DPEP1: variants seen among roughly 807,000 people sequenced by gnomAD.
The protein encoded by DPEP1 is beta-lactamase.
DPEP1 carries 50 observed loss-of-function variants against 42.3 expected under a neutral mutation model. That is an observed-to-expected ratio of 1.18 (90% CI 0.94 to 1.50). The LOEUF is 1.50. DPEP1 is among the 40% of genes most tolerant of loss of function. DPEP1 has a pLI of 0.00. For synonymous variants in DPEP1, 297 were observed against 234.0 expected (o/e 1.27, Z -2.46); for missense variants, 663 against 553.0 (o/e 1.20, Z -1.99).
At chr16:89,614,622 G>A (rs539744299) in intron 1 of DPEP1, among the ~76,000 whole-genome samples, 9 of 152,048 alleles carry the variant, frequency 5.9e-5, no homozygotes, top group South Asian at 2.1e-4. Flanking sequence ...GTGAAACCCC[G>A]TCTCTAATAA....
intron 2 of DPEP1, 44 bp downstream of exon 2, chr16:89,630,558 G>C (rs1016921631): frequency 8.5e-7 from 1 of 1,177,368 alleles, no homozygotes; most frequent in Non-Finnish European, 1.2e-6. Context: ...CCAGGACTGG[G>C]AACTGGGGCT....
At chr16:89,637,066 C>T (rs1449086455) in intron 6 of DPEP1, 131 bp downstream of exon 6, 6 of 1,526,216 alleles carry the variant, frequency 3.9e-6, no homozygotes, top group East Asian at 2.3e-5. Context: ...CAGCCATCCC[C>T]CCAGGGTGGG....
At chr16:89,620,760 A>C (rs1280693197) in intron 1 of DPEP1, 1 of 151,576 alleles carries the variant, frequency 6.6e-6, no homozygotes, top group Non-Finnish European at 1.5e-5. Flanking sequence ...GGTACTCGGG[A>C]CCCTGTCCCG....
chr16:89,616,752 A>G, intron 1 of DPEP1: 1 of 279,236 alleles, frequency 3.6e-6, no homozygotes, highest in Non-Finnish European at 7.1e-6. Flanking sequence ...GGAAGCAGGC[A>G]GAGAGCGACC....
intron 1 of DPEP1, among the ~76,000 whole-genome samples, chr16:89,622,210 C>T (rs75589506): frequency 6.6e-6 from 1 of 152,306 alleles, no homozygotes; most frequent in East Asian, 1.9e-4. Flanking sequence ...TAAACATTAA[C>T]TTTCGGGGCC....
chr16:89,624,227 C>A (rs944757338), intron 1 of DPEP1, among the ~76,000 whole-genome samples: 1 of 152,036 alleles, frequency 6.6e-6, no homozygotes, highest in Non-Finnish European at 1.5e-5. Flanking sequence ...GCTGGGTCAT[C>A]TATAGAGAAA....
rs1567986947 is a variant in DPEP1, at chr16:89,630,375, G to GTCT, written c.-36_-35insTCT. The GTCT allele has an allele frequency of 1.3e-6, 2 of 1,567,430 alleles. No individual in the cohort carries two copies. The highest frequency in any genetic ancestry group is 1.7e-6 in the Non-Finnish European group (2 of 1,142,932). On this transcript the variant is annotated 5_prime_UTR_variant, in exon 2 of 11. Coordinates refer to ENST00000690203, the MANE Select transcript of DPEP1 (RefSeq NM_001389466.1). ...CAGCCAGGCCAGCACAGAGGCACCA[G>GTCT]GGCAGCAGTGCACACAGGTCCCCGG...
intron 1 of DPEP1, among the ~76,000 whole-genome samples, chr16:89,618,248 G>C (rs938012674): frequency 6.6e-6 from 1 of 152,086 alleles, no homozygotes; most frequent in African/African-American, 2.4e-5. Context: ...ACAAGGTCTT[G>C]CTCTGTCACC....
chr16:89,624,331 G>A (rs2059480836), intron 1 of DPEP1, among the ~76,000 whole-genome samples: 3 of 152,108 alleles, frequency 2.0e-5, no homozygotes, highest in African/African-American at 2.4e-5. Flanking sequence ...CTCTCATCAC[G>A]GCAGAAGGGG....
intron 1 of DPEP1, among the ~76,000 whole-genome samples, chr16:89,625,535 G>C (rs2059499912): frequency 6.6e-6 from 1 of 152,210 alleles, no homozygotes; most frequent in African/African-American, 2.4e-5. Context: ...AAGACCTTCA[G>C]TGCAGGCATT....
chr16:89,622,320 G>T (rs2059455074), intron 1 of DPEP1, among the ~76,000 whole-genome samples: 1 of 152,172 alleles, frequency 6.6e-6, no homozygotes, highest in Non-Finnish European at 1.5e-5. Context: ...GTCAGTCGGG[G>T]ACATGAAAGA....
intron 1 of DPEP1, among the ~76,000 whole-genome samples, chr16:89,623,464 C>T (rs191797687): frequency 1.8e-3 from 279 of 152,258 alleles, no homozygotes; most frequent in African/African-American, 6.3e-3. Context: ...AGATTGCCCG[C>T]TGCCAAGGGA....
chr16:89,631,429 C>T (rs932996237), intron 2 of DPEP1, among the ~76,000 whole-genome samples: 6 of 152,188 alleles, frequency 3.9e-5, no homozygotes, highest in Non-Finnish European at 7.3e-5. Flanking sequence ...ACTGGCTCCG[C>T]GTTGGGGTGG....
rs111984160 is a variant in DPEP1 at position 89,630,068 on chromosome 16, T to G, written c.-106-237T>G. Among the ~76,000 whole-genome samples the G allele has an allele frequency of 3.9e-3, 595 of 152,294 alleles. 4 individuals are homozygous for G. The highest frequency in any genetic ancestry group is 0.014 in the Middle Eastern group (4 of 294). On this transcript the variant is annotated intron_variant, in intron 1 of 10. Transcript: ENST00000690203. ...ACTCACCACTCATCTGGGCCTGCTC[T>G]CAGCCTGCTGTCCTTTCATCTGGGC... is the stretch of plus-strand genomic sequence containing the variant.
chr16:89,634,443 C>G (rs2059633777), intron 2 of DPEP1, among the ~76,000 whole-genome samples: 1 of 152,070 alleles, frequency 6.6e-6, no homozygotes, highest in Non-Finnish European at 1.5e-5. Context: ...TCTGCCAGGC[C>G]CTGTTGGGCA....
intron 4 of DPEP1, 45 bp from the exon 5 acceptor site, chr16:89,636,488 C>T (rs1467730430): frequency 1.2e-6 from 2 of 1,601,302 alleles, no homozygotes; most frequent in South Asian, 1.1e-5. Context: ...CCTCACCCTC[C>T]AGATACCAGG....
At chr16:89,618,308 C>T (rs4278775) in intron 1 of DPEP1, among the ~76,000 whole-genome samples, 5 of 152,148 alleles carry the variant, frequency 3.3e-5, no homozygotes, top group Admixed American at 6.5e-5. Flanking sequence ...CTTAAACCTC[C>T]TGGACTCAAG....
chr16:89,621,406 C>G (rs2059445177), intron 1 of DPEP1, among the ~76,000 whole-genome samples: 1 of 152,128 alleles, frequency 6.6e-6, no homozygotes. Flanking sequence ...GGCCTTACGG[C>G]TGGGCCTGCA....
chr16:89,627,206 G>T (rs2151487314), intron 1 of DPEP1, among the ~76,000 whole-genome samples: 1 of 151,038 alleles, frequency 6.6e-6, no homozygotes, highest in South Asian at 2.1e-4. Flanking sequence ...CCGGGAGGCA[G>T]AGCTTGCAGT....
Sources: allele counts gnomAD v4.1 joint callset (sites outside exome capture counted in the v4.1 genomes callset), GRCh38; gene constraint gnomAD v4.1.1; transcripts MANE v1.5; gene names NCBI Gene and HGNC (gene_info 2026-07-23, HGNC 2026-07-21).